GABRB1: variants seen among roughly 807,000 people sequenced by gnomAD.
GABRB1 encodes gamma-aminobutyric acid type A receptor subunit beta1.
GABRB1 carries 17 observed loss-of-function variants against 51.6 expected under a neutral mutation model. The ratio of observed to expected loss-of-function variants is 0.33; its 90% CI spans 0.23 to 0.49. The LOEUF (loss-of-function observed/expected upper bound fraction) is 0.49. Ranked by LOEUF, GABRB1 falls within the 20% of genes least tolerant of loss-of-function variation. The pLI, the probability that GABRB1 is intolerant of heterozygous loss-of-function variation, is 0.99. For synonymous variants in GABRB1, 247 were observed against 218.9 expected (o/e 1.13, Z -1.14); for missense variants, 410 against 600.6 (o/e 0.68, Z 3.32).
chr4:47,382,951 C>T (rs1276300126), intron 5 of GABRB1, among the ~76,000 whole-genome samples: 1 of 152,168 alleles, frequency 6.6e-6, no homozygotes, highest in Non-Finnish European at 1.5e-5. Flanking sequence ...AGACACAATG[C>T]AATTTTTAAA....
intron 1 of GABRB1, among the ~76,000 whole-genome samples, chr4:47,018,646 T>G (rs1440915073): frequency 6.6e-6 from 1 of 152,188 alleles, no homozygotes; most frequent in African/African-American, 2.4e-5. Context: ...ATATTTTATA[T>G]ATGACATGCA....
chr4:47,015,673 C>T (rs556543418), intron 1 of GABRB1, among the ~76,000 whole-genome samples: 1 of 152,188 alleles, frequency 6.6e-6, no homozygotes, highest in East Asian at 1.9e-4. Context: ...CAATTGCTTA[C>T]CATAATTTGT....
intron 4 of GABRB1, among the ~76,000 whole-genome samples, chr4:47,263,083 A>G (rs1009524521): frequency 1.3e-5 from 2 of 150,668 alleles, no homozygotes; most frequent in African/African-American, 4.9e-5. Flanking sequence ...TAGGAGAAAT[A>G]CCTAATGCTA....
At chr4:47,281,962 T>G (rs1007264089) in intron 4 of GABRB1, among the ~76,000 whole-genome samples, 1 of 152,184 alleles carries the variant, frequency 6.6e-6, no homozygotes, top group Non-Finnish European at 1.5e-5. Context: ...TTTCAGTGAT[T>G]GTAATGCATA....
intron 3 of GABRB1, among the ~76,000 whole-genome samples, chr4:47,082,679 G>T (rs1727899185): frequency 6.6e-6 from 1 of 152,048 alleles, no homozygotes; most frequent in African/African-American, 2.4e-5. Context: ...AAGAACCTTA[G>T]TTTCTTACTT....
chr4:47,358,485 A>C (rs1028595223), intron 5 of GABRB1, among the ~76,000 whole-genome samples: 25 of 152,108 alleles, frequency 1.6e-4, no homozygotes, highest in African/African-American at 6.0e-4. Flanking sequence ...TGGTAAGTCT[A>C]ATATCAATAG....
At chr4:47,390,361 G>A (rs1161106467) in intron 5 of GABRB1, among the ~76,000 whole-genome samples, 2 of 152,208 alleles carry the variant, frequency 1.3e-5, no homozygotes, top group Admixed American at 1.3e-4. Context: ...TTAAATGTCT[G>A]CATTATCTGA....
At chr4:47,318,008 G>T (rs1040877554) in intron 4 of GABRB1, among the ~76,000 whole-genome samples, 26 of 151,880 alleles carry the variant, frequency 1.7e-4, no homozygotes, top group Non-Finnish European at 4.4e-5. Context: ...TTTATCATTT[G>T]CAATAGCCAT....
chr4:47,068,417 C>T (rs963549376), intron 3 of GABRB1, among the ~76,000 whole-genome samples: 2 of 152,206 alleles, frequency 1.3e-5, no homozygotes, highest in African/African-American at 4.8e-5. Context: ...CCTATCTGGG[C>T]TTTCAACATG....
chr4:47,118,258 C>G (rs1029563267), intron 3 of GABRB1, among the ~76,000 whole-genome samples: 6 of 152,092 alleles, frequency 3.9e-5, no homozygotes, highest in African/African-American at 1.2e-4. Context: ...ATATTTTGCC[C>G]TTTAAAATAC....
intron 5 of GABRB1, among the ~76,000 whole-genome samples, chr4:47,325,611 T>G (rs1725232303): frequency 6.6e-6 from 1 of 152,144 alleles, no homozygotes; most frequent in Non-Finnish European, 1.5e-5. Context: ...CACAATAGAC[T>G]TTGTTTCTGG....
chr4:47,173,080 A>T (rs2109758169), intron 4 of GABRB1, among the ~76,000 whole-genome samples: 1 of 152,304 alleles, frequency 6.6e-6, no homozygotes, highest in Non-Finnish European at 1.5e-5. Flanking sequence ...AGTAACAATA[A>T]CAAAAATTCA....
At chr4:47,231,614 T>C (rs1477965451) in intron 4 of GABRB1, among the ~76,000 whole-genome samples, 1 of 152,188 alleles carries the variant, frequency 6.6e-6, no homozygotes, top group African/African-American at 2.4e-5. Flanking sequence ...TTCTGGATAA[T>C]GTAAACCCTG....
intron 1 of GABRB1, among the ~76,000 whole-genome samples, chr4:47,016,028 G>A (rs1724731652): frequency 6.6e-6 from 1 of 152,176 alleles, no homozygotes; most frequent in Non-Finnish European, 1.5e-5. Flanking sequence ...GATGAGATGG[G>A]CAGAAAAGCA....
intron 1 of GABRB1, among the ~76,000 whole-genome samples, chr4:47,003,381 T>A (rs1724288686): frequency 1.3e-5 from 2 of 152,212 alleles, no homozygotes; most frequent in Non-Finnish European, 2.9e-5. Context: ...AGGATGGGGA[T>A]GATGTTTTAT....
At chr4:47,114,864 T>C (rs902875094) in intron 3 of GABRB1, among the ~76,000 whole-genome samples, 2 of 152,184 alleles carry the variant, frequency 1.3e-5, no homozygotes, top group African/African-American at 4.8e-5. Context: ...AAGCGCTGTG[T>C]CCTGTGTGAC....
chr4:47,033,750 T>C (rs12108590), intron 3 of GABRB1, among the ~76,000 whole-genome samples: 4 of 151,966 alleles, frequency 2.6e-5, no homozygotes, highest in Non-Finnish European at 4.4e-5. Context: ...AAAGTGTGAC[T>C]ATTTAATTTC....
chr4:47,116,647 A>T (rs2109639256), intron 3 of GABRB1, among the ~76,000 whole-genome samples: 1 of 152,314 alleles, frequency 6.6e-6, no homozygotes, highest in East Asian at 1.9e-4. Flanking sequence ...ATTTCTGATT[A>T]GATACTATGG....
At chr4:47,112,737 A>G (rs1369920959) in intron 3 of GABRB1, among the ~76,000 whole-genome samples, 2 of 148,978 alleles carry the variant, frequency 1.3e-5, no homozygotes, top group Non-Finnish European at 3.0e-5. Flanking sequence ...CAAGCACTGT[A>G]TTAAGCACAG....
Sources: gnomAD v4.1 joint callset for allele counts (sites outside exome capture counted in the v4.1 genomes callset) on GRCh38, gnomAD v4.1.1 for gene constraint, MANE v1.5 for transcripts, NCBI Gene and HGNC (gene_info 2026-07-23, HGNC 2026-07-21) for gene names.